The following CLASP1 variants were observed in gnomAD, a reference collection of about 807,000 sequenced individuals.
CLASP1 encodes cytoplasmic linker associated protein 1.
A neutral mutation model predicts 192.3 loss-of-function variants in CLASP1; 38 were observed. The ratio of observed to expected loss-of-function variants is 0.20; its 90% CI spans 0.15 to 0.26. The LOEUF (loss-of-function observed/expected upper bound fraction) is 0.26. Among genes scored for constraint, CLASP1 ranks in the 10% least tolerant of loss-of-function variants. The pLI is 1.00. For missense variants in CLASP1, 1,433 were observed against 1,932.5 expected (o/e 0.74, Z 4.85); for synonymous variants, 691 against 712.8 (o/e 0.97, Z 0.49).
chr2:121,430,843 A>G (rs897050089), intron 19 of CLASP1, among the ~76,000 whole-genome samples: 12 of 152,178 alleles, frequency 7.9e-5, no homozygotes, highest in Non-Finnish European at 1.6e-4. Flanking sequence ...TGATGGCCCA[A>G]AGATAATCCA....
At chr2:121,340,870 C>T (rs376528877) in exon 40 of CLASP1, 55 of 1,610,966 alleles carry the variant, frequency 3.4e-5, no homozygotes, top group Middle Eastern at 1.9e-4. Flanking sequence ...ATTAGCTGTG[C>T]GTGGAGACAT....
intron 20 of CLASP1, among the ~76,000 whole-genome samples, chr2:121,428,187 A>G (rs59941339): frequency 0.047 from 7,143 of 152,254 alleles, 201 homozygotes; most frequent in East Asian, 0.14. Flanking sequence ...TATTAGAGAA[A>G]GAACTGTAAT....
At chr2:121,605,771 T>C in exon 2 of CLASP1, 3 of 1,614,040 alleles carry the variant, frequency 1.9e-6, no homozygotes, top group East Asian at 4.5e-5. Flanking sequence ...GGTCTGGTCA[T>C]GCTCAAGGTC....
chr2:121,525,980 T>C, intron 5 of CLASP1, 60 bp from the exon 6 acceptor site: 1 of 1,268,422 alleles, frequency 7.9e-7, no homozygotes, highest in Non-Finnish European at 1.1e-6. Flanking sequence ...GAAAGATGCC[T>C]GTCTGCCCAC....
intron 5 of CLASP1, 113 bp downstream of exon 5, chr2:121,527,686 T>G: frequency 1.3e-6 from 1 of 763,984 alleles, no homozygotes; most frequent in African/African-American, 1.7e-5. Context: ...AAAGGGGGCA[T>G]GAGATCTCAC....
At chr2:121,602,494 A>G (rs1488270399) in intron 2 of CLASP1, among the ~76,000 whole-genome samples, 1 of 152,232 alleles carries the variant, frequency 6.6e-6, no homozygotes, top group African/African-American at 2.4e-5. Flanking sequence ...GACCCTGAAT[A>G]GCCAAAGCAA....
At chr2:121,598,860 T>C (rs2105842111) in intron 2 of CLASP1, among the ~76,000 whole-genome samples, 1 of 152,236 alleles carries the variant, frequency 6.6e-6, no homozygotes, top group African/African-American at 2.4e-5. Flanking sequence ...TTTTTATTTT[T>C]ATTTATTTAT....
At chr2:121,530,252 C>T in exon 3 of CLASP1, 1 of 1,551,330 alleles carries the variant, frequency 6.4e-7, no homozygotes, top group Non-Finnish European at 8.7e-7. Flanking sequence ...CTCACCTGTG[C>T]CGATCTGCGC....
chr2:121,516,829 C>T (rs1051985661), intron 6 of CLASP1, among the ~76,000 whole-genome samples: 8 of 152,082 alleles, frequency 5.3e-5, no homozygotes, highest in African/African-American at 1.9e-4. Flanking sequence ...GAGTTCAAGA[C>T]CAGCCTGGCC....
intron 22 of CLASP1, among the ~76,000 whole-genome samples, chr2:121,420,683 CAAAT>C (rs2079335688): frequency 6.6e-6 from 1 of 152,178 alleles, no homozygotes; most frequent in Non-Finnish European, 1.5e-5. Flanking sequence ...CACTCCAAAA[CAAAT>C]AATAAAAAAG....
At chr2:121,525,383 A>T (rs1393177464) in intron 6 of CLASP1, among the ~76,000 whole-genome samples, 1 of 152,150 alleles carries the variant, frequency 6.6e-6, no homozygotes, top group Non-Finnish European at 1.5e-5. Flanking sequence ...TTCCACGATG[A>T]TATACACAGT....
chr2:121,495,957 AC>A (rs1204819168), intron 8 of CLASP1, among the ~76,000 whole-genome samples: 5 of 152,190 alleles, frequency 3.3e-5, no homozygotes, highest in African/African-American at 1.2e-4. Context: ...AATGTGGTTC[AC>A]AAGAGTTAAG....
exon 40 of CLASP1, chr2:121,337,900 A>C (rs1365243684): frequency 6.6e-6 from 1 of 152,358 alleles, no homozygotes; most frequent in African/African-American, 2.4e-5. Flanking sequence ...TTGAAAGTGA[A>C]ACAAATAAGA....
chr2:121,370,332 CTTTTT>C (rs375808825), intron 34 of CLASP1, among the ~76,000 whole-genome samples: 1 of 151,478 alleles, frequency 6.6e-6, no homozygotes, highest in African/African-American at 2.4e-5. Flanking sequence ...GATTTTCTTT[CTTTTT>C]TTTTGAGACA....
Position 121,541,162 on chromosome 2 carries a change from A to G in CLASP1, c.196-10837T>C, listed in dbSNP as rs181064730. The stretch of plus-strand genomic sequence containing the variant: ...AATGGAACAGTTATCTTTCCAGAAC[A>G]TGAGGTCTGCTCATTGAGCAAAGAA... On this transcript the variant is annotated intron_variant, in intron 2 of 39. Coordinates refer to ENST00000263710, the Ensembl canonical transcript of CLASP1. 2.9e-3 allele frequency among the ~76,000 whole-genome samples: 448 copies of G among 152,292 alleles called. 13 individuals carry two copies. The highest frequency in any genetic ancestry group is 0.025 in the Admixed American group (382 of 15,290).
intron 7 of CLASP1, among the ~76,000 whole-genome samples, chr2:121,515,201 T>C (rs1270051600): frequency 2.0e-5 from 3 of 152,214 alleles, no homozygotes; most frequent in African/African-American, 7.2e-5. Flanking sequence ...ATACACATTG[T>C]GAATGACATG....
At chr2:121,500,368 GAAAGAAAGAAAGAA>G (rs1471638247) in intron 8 of CLASP1, among the ~76,000 whole-genome samples, 4 of 113,982 alleles carry the variant, frequency 3.5e-5, no homozygotes, top group African/African-American at 1.4e-4. Flanking sequence ...AAGAAAGAAA[GAAAGAAAGAAAGAA>G]AGAAAGAAAG....
intron 2 of CLASP1, among the ~76,000 whole-genome samples, chr2:121,599,816 A>G: frequency 6.7e-6 from 1 of 150,324 alleles, no homozygotes; most frequent in Non-Finnish European, 1.5e-5. Context: ...GCTACTCAGG[A>G]GGCTGAGGCA....
At chr2:121,480,470 A>AGAG (rs1360649900) in intron 8 of CLASP1, among the ~76,000 whole-genome samples, 9 of 152,322 alleles carry the variant, frequency 5.9e-5, no homozygotes, top group Non-Finnish European at 8.8e-5. Flanking sequence ...TACTCACAAC[A>AGAG]GAGGAGCCCA....
Sources: allele counts gnomAD v4.1 joint callset (sites outside exome capture counted in the v4.1 genomes callset), GRCh38; gene constraint gnomAD v4.1.1; transcripts MANE v1.5; gene names NCBI Gene and HGNC (gene_info 2026-07-23, HGNC 2026-07-21).